NUF2: variants seen among roughly 807,000 people sequenced by gnomAD.
NUF2 encodes kinetochore protein Nuf2.
Under a neutral mutation model 61.8 loss-of-function variants are expected in NUF2, and 34 were observed. The observed-to-expected ratio is 0.55, with a 90% CI of 0.42 to 0.73. The LOEUF (loss-of-function observed/expected upper bound fraction) is 0.73, where lower values mean the gene tolerates loss of function less well. NUF2 is among the 30% of genes least tolerant of loss of function. NUF2 has a pLI of 0.00. For missense variants in NUF2, 445 were observed against 539.1 expected, an observed-to-expected ratio of 0.83 and a Z score of 1.73; for synonymous variants, 172 against 181.6, an observed-to-expected ratio of 0.95 and a Z score of 0.42.
intron 1 of NUF2, among the ~76,000 whole-genome samples, chr1:163,325,396 G>C (rs1379422693): frequency 1.3e-5 from 2 of 152,168 alleles, no homozygotes; most frequent in African/African-American, 4.8e-5. Context: ...ACGCTAGGGG[G>C]ACACAGGTAG....
chr1:163,350,320 A>G (rs1481398563), intron 13 of NUF2, among the ~76,000 whole-genome samples: 1 of 151,888 alleles, frequency 6.6e-6, no homozygotes, highest in Non-Finnish European at 1.5e-5. Context: ...AAAAAGAAAG[A>G]CTTAGCAGAT....
intron 11 of NUF2, 196 bp downstream of exon 11, chr1:163,346,014 CCTT>C (rs1651112558): frequency 2.4e-6 from 1 of 412,528 alleles, no homozygotes; most frequent in Non-Finnish European, 4.3e-6. Context: ...CAATTTTTAA[CCTT>C]CTGATGAAAT....
intron 12 of NUF2, among the ~76,000 whole-genome samples, chr1:163,348,158 A>T (rs1651198649): frequency 6.6e-6 from 1 of 152,160 alleles, no homozygotes; most frequent in Admixed American, 6.5e-5. Flanking sequence ...CTGGGTATAC[A>T]GTTCCAATTC....
At position 163,345,813 on chromosome 1, in the gene NUF2, A is replaced by C; in HGVS notation, c.943A>C (p.Lys315Gln). The C allele has an allele frequency of 3.1e-6, 5 of 1,599,560 alleles. No individual in the cohort carries two copies. In the South Asian group the frequency reaches 5.6e-5, roughly 18 times the overall value. Residue 315 changes from lysine to glutamine, a missense_variant, in exon 11 of 14, where the codon AAG becomes CAG. Transcript: ENST00000271452. The part of the protein sequence containing the change: ...DNREKLASIL[K>Q]ESLNLEDQIE... ...TAGGGAAAAATTAGCCAGTATCTTAAAGGAGGTTTGTATTGTATGGAATTT... is the reference window on the plus strand; with the variant it reads ...TAGGGAAAAATTAGCCAGTATCTTACAGGAGGTTTGTATTGTATGGAATTT...
chr1:163,328,902 G>A lies in NUF2; in HGVS notation c.332G>A (p.Cys111Tyr). The A allele has an allele frequency of 6.3e-7, 1 of 1,584,866 alleles. No homozygotes were observed. Among genetic ancestry groups the A allele is most frequent in the Non-Finnish European group, 8.6e-7 (1 of 1,156,544 alleles). ...GACTTTGAGACTGCTGATATTCTAT[G>A]TCCAAGTAAGTGAGAATTTAAAACA... The part of the protein sequence containing the change: ...VNDFETADIL[C>Y]PKAKRTSRFL... Residue 111 changes from cysteine (C) to tyrosine (Y), a missense_variant, in exon 5 of 14, where the codon TGT becomes TAT. Cys to Tyr is a radical substitution (Grantham distance 194). Coordinates refer to ENST00000271452, the MANE Select transcript of NUF2 (RefSeq NM_145697.3).
chr1:163,331,025 C>CTTTTTTTTT (rs35181525), intron 5 of NUF2, among the ~76,000 whole-genome samples: 13 of 134,928 alleles, frequency 9.6e-5, no homozygotes, highest in East Asian at 2.3e-4. Flanking sequence ...GCCTTTTATT[C>CTTTTTTTTT]TTTTTTTTTT....
rs1407434087 is a variant in NUF2 at position 163,328,841 on chromosome 1, T to G, written c.276-5T>G. ...TCAATAGTCTTTTTGTACTTCATCT[T>G]CAAGGGACTCATTTTTGCCTATCTG... On this transcript the variant is annotated splice_polypyrimidine_tract_variant and splice_region_variant and intron_variant, in intron 4 of 13. Coordinates refer to ENST00000271452, the MANE Select transcript of NUF2 (RefSeq NM_145697.3). 1 of 1,588,304 alleles carries G rather than the reference T, an allele frequency of 6.3e-7. No individual in the cohort carries two copies. Among genetic ancestry groups the G allele is most frequent in the South Asian group, 1.1e-5 (1 of 90,496 alleles).
intron 13 of NUF2, among the ~76,000 whole-genome samples, chr1:163,353,607 A>G (rs989575747): frequency 6.6e-6 from 1 of 152,232 alleles, no homozygotes; most frequent in African/African-American, 2.4e-5. Context: ...CTTTAAAAAT[A>G]TTTAACTTCA....
chr1:163,344,130 G>C (rs991293876), intron 10 of NUF2, among the ~76,000 whole-genome samples: 3 of 152,032 alleles, frequency 2.0e-5, no homozygotes, highest in Admixed American at 2.0e-4. Context: ...ATGCTGGGTG[G>C]TGAGATTTAA....
intron 6 of NUF2, 136 bp from the exon 7 acceptor site, chr1:163,337,884 T>G: frequency 1.6e-6 from 1 of 630,512 alleles, no homozygotes; most frequent in Non-Finnish European, 2.8e-6. Context: ...AATTCCTAAT[T>G]CATTTGTCAT....
At chr1:163,341,362 G>A (rs1378110475) in intron 9 of NUF2, among the ~76,000 whole-genome samples, 1 of 151,656 alleles carries the variant, frequency 6.6e-6, no homozygotes, top group East Asian at 1.9e-4. Flanking sequence ...GGCTTGTGCC[G>A]CCACACCCAG....
In NUF2 at chr1:163,326,017, T is replaced by G; in HGVS notation, c.-20-15T>G. The G allele has an allele frequency of 1.2e-6, 2 of 1,602,202 alleles. No homozygotes were observed. The highest frequency in any genetic ancestry group is 2.2e-5 in the South Asian group (2 of 90,358). The stretch of plus-strand genomic sequence containing the variant: ...CTGATCATGTGGTATTTCTCATTGT[T>G]TTTTCTTCCTTCAGATTAACAGGAA... On this transcript the variant is annotated splice_polypyrimidine_tract_variant and intron_variant, in intron 1 of 13. Transcript: ENST00000271452.
chr1:163,329,712 C>G (rs982299045), intron 5 of NUF2, among the ~76,000 whole-genome samples: 2 of 152,192 alleles, frequency 1.3e-5, no homozygotes, highest in African/African-American at 4.8e-5. Flanking sequence ...CAATCATGCT[C>G]CTTGGTATTT....
chr1:163,335,217 G>A (rs10917729), intron 5 of NUF2, among the ~76,000 whole-genome samples: 46,039 of 151,980 alleles, frequency 0.3, 7,475 homozygotes, highest in East Asian at 0.6. Flanking sequence ...CTCCCAAAGT[G>A]CTAGGATTAC....
At position 163,340,442 on chromosome 1, in the gene NUF2, T is replaced by A. The variant is rs1007395613; in HGVS notation, c.669+16T>A. 5 of 1,588,700 alleles carry A rather than the reference T, an allele frequency of 3.1e-6. No homozygotes were observed. In the East Asian group the frequency reaches 1.1e-4, roughly 36 times the overall value. ...CAAGCGTTTGGTAAACATCTTTTCT[T>A]TTCACTAGCATTTAAAGTTTGAATA... On this transcript the variant is annotated intron_variant, in intron 9 of 13. Transcript: ENST00000271452.
At chr1:163,344,190 T>C (rs928384127) in intron 10 of NUF2, among the ~76,000 whole-genome samples, 3 of 152,150 alleles carry the variant, frequency 2.0e-5, no homozygotes, top group Admixed American at 2.0e-4. Flanking sequence ...CAAACAATTG[T>C]AATTATAAAT....
intron 5 of NUF2, among the ~76,000 whole-genome samples, chr1:163,334,546 T>A (rs2101674521): frequency 6.6e-6 from 1 of 152,194 alleles, no homozygotes; most frequent in Non-Finnish European, 1.5e-5. Context: ...GAGGCCAAGG[T>A]GAGAGAATTG....
intron 1 of NUF2, chr1:163,322,882 A>G (rs1034446604): frequency 4.0e-4 from 61 of 152,212 alleles, no homozygotes; most frequent in Admixed American, 3.5e-3. Flanking sequence ...CAAACTATGT[A>G]GTTGGAAAGT....
intron 4 of NUF2, 74 bp downstream of exon 4, chr1:163,328,378 G>T: frequency 2.2e-6 from 2 of 911,342 alleles, no homozygotes; most frequent in Admixed American, 2.2e-5. Context: ...TAATGACATG[G>T]TTTTCTTTGG....
Sources: gnomAD v4.1 joint callset for allele counts (sites outside exome capture counted in the v4.1 genomes callset) on GRCh38, gnomAD v4.1.1 for gene constraint, MANE v1.5 for transcripts, NCBI Gene and HGNC (gene_info 2026-07-23, HGNC 2026-07-21) for gene names.